ITGAE: variants seen among roughly 807,000 people sequenced by gnomAD.
The protein encoded by ITGAE is integrin subunit alpha E, also known as integrin alpha-E.
ITGAE carries 99 observed loss-of-function variants against 136.5 expected under a neutral mutation model. The observed-to-expected ratio is 0.73, with a 90% confidence interval of 0.62 to 0.86. The LOEUF is 0.86. Among genes scored for constraint, ITGAE ranks in the 40% least tolerant of loss-of-function variants. The probability of loss-of-function intolerance (pLI) is 0.00; values close to 1 mark genes in which losing one functional copy is unlikely to be tolerated. For missense variants in ITGAE, 1,447 were observed against 1,515.3 expected, an observed-to-expected ratio of 0.95 and a Z score of 0.75; for synonymous variants, 613 against 591.8, an observed-to-expected ratio of 1.04 and a Z score of -0.52.
intron 2 of ITGAE, among the ~76,000 whole-genome samples, chr17:3,768,565 G>C (rs921460629): frequency 1.4e-4 from 22 of 152,142 alleles, no homozygotes; most frequent in African/African-American, 5.1e-4. Flanking sequence ...CCACGGCACT[G>C]TTCCCTCCAC....
chr17:3,795,520 G>C (rs568423976), intron 1 of ITGAE, among the ~76,000 whole-genome samples: 1 of 152,192 alleles, frequency 6.6e-6, no homozygotes, highest in African/African-American at 2.4e-5. Context: ...ATGGCCCGTC[G>C]GAAGATTGAA....
chr17:3,784,330 T>A (rs897042762), intron 1 of ITGAE: 1 of 350,264 alleles, frequency 2.9e-6, no homozygotes, highest in Non-Finnish European at 5.4e-6. Flanking sequence ...ATAGAAGATA[T>A]GAACAACATA....
At chr17:3,771,829 G>A (rs896974506) in intron 2 of ITGAE, among the ~76,000 whole-genome samples, 4 of 152,204 alleles carry the variant, frequency 2.6e-5, no homozygotes, top group African/African-American at 9.6e-5. Context: ...GAGCCCCCGC[G>A]CCCAGCCGGG....
At chr17:3,747,225 A>G (rs555744560) in intron 17 of ITGAE, among the ~76,000 whole-genome samples, 3 of 152,362 alleles carry the variant, frequency 2.0e-5, no homozygotes, top group South Asian at 2.1e-4. Context: ...GAAGGGGAGA[A>G]GACACAAGTC....
In ITGAE at chr17:3,756,224, C is replaced by CTTTTTTTTTTTTTTTTTTTTTTTTTT. The variant is rs398041526; in HGVS notation, c.1172-353_1172-328dup. Among the ~76,000 whole-genome samples, 12 of 95,028 alleles carry CTTTTTTTTTTTTTTTTTTTTTTTTTT rather than the reference C, an allele frequency of 1.3e-4. 6 individuals carry two copies. The highest frequency in any genetic ancestry group is 2.4e-4 in the African/African-American group (6 of 25,112). The allele number at this position is 95,028 out of a possible 152,430, so 62.3% of individuals were successfully genotyped here. A position where few individuals can be genotyped will look rare whatever the true frequency, so the allele number is the denominator to read the frequency against. ...AAGGAGGCCTGGGGATATTGTTGGC[C>CTTTTTTTTTTTTTTTTTTTTTTTTTT]TTTTTTTTTTTTTTTTTTTTTTTTT... On this transcript the variant is annotated intron_variant, in intron 10 of 30. Coordinates refer to ENST00000263087, the MANE Select transcript of ITGAE (RefSeq NM_002208.5).
At chr17:3,726,417 G>T in intron 26 of ITGAE, 1 of 878,632 alleles carries the variant, frequency 1.1e-6, no homozygotes, top group Non-Finnish European at 1.8e-6. Flanking sequence ...CCCACAGGAG[G>T]GTGGAACTCC....
intron 15 of ITGAE, among the ~76,000 whole-genome samples, chr17:3,751,310 G>T (rs1255170778): frequency 6.6e-6 from 1 of 151,964 alleles, no homozygotes; most frequent in Non-Finnish European, 1.5e-5. Flanking sequence ...GGAGACAGGA[G>T]CGAGGGACAG....
At chr17:3,766,562 G>A (rs1407875156) in intron 2 of ITGAE, among the ~76,000 whole-genome samples, 1 of 152,098 alleles carries the variant, frequency 6.6e-6, no homozygotes, top group East Asian at 1.9e-4. Flanking sequence ...AGCACTTTGG[G>A]AGGCCGAGGC....
chr17:3,761,948 T>G lies in ITGAE; in HGVS notation c.282A>C (p.Gly94=). The stretch of plus-strand genomic sequence containing the variant: ...CGTGGTGGCTCCGGACAACGGTCAC[T>G]CCCCGGTGCCTCCCCTTGGGGATGG... ...HVPIPKGRHR[G]VTVVRSHHGV... is the part of the protein sequence containing the mutation. Residue 94 remains glycine (G), a synonymous_variant, in exon 4 of 31, where the codon GGA becomes GGC. Coordinates refer to ENST00000263087, the MANE Select transcript of ITGAE (RefSeq NM_002208.5). The G allele has an allele frequency of 6.2e-7, 1 of 1,613,878 alleles. No individual in the cohort carries two copies. The highest frequency in any genetic ancestry group is 1.1e-5 in the South Asian group (1 of 91,068).
At chr17:3,800,043 T>A (rs531918039) in intron 1 of ITGAE, among the ~76,000 whole-genome samples, 1 of 152,162 alleles carries the variant, frequency 6.6e-6, no homozygotes, top group Non-Finnish European at 1.5e-5. Context: ...TGCTTGAACC[T>A]GGGAGGCAGA....
At chr17:3,794,229 G>A (rs1191047933) in intron 1 of ITGAE, among the ~76,000 whole-genome samples, 3 of 151,872 alleles carry the variant, frequency 2.0e-5, no homozygotes, top group Non-Finnish European at 2.9e-5. Flanking sequence ...CGCCCGCCTC[G>A]GCCTCCTAAA....
intron 16 of ITGAE, among the ~76,000 whole-genome samples, chr17:3,749,414 G>A (rs1023307932): frequency 5.9e-5 from 9 of 152,028 alleles, no homozygotes; most frequent in Non-Finnish European, 1.5e-5. Context: ...CACCATGCCC[G>A]GCTAATTTTT....
At chr17:3,760,733 C>T (rs534421787) in intron 6 of ITGAE, among the ~76,000 whole-genome samples, 10 of 152,216 alleles carry the variant, frequency 6.6e-5, no homozygotes, top group African/African-American at 2.2e-4. Flanking sequence ...AGCCACCTCA[C>T]CTGGCCCCAA....
intron 1 of ITGAE, among the ~76,000 whole-genome samples, chr17:3,792,831 A>G (rs1357708860): frequency 1.3e-5 from 2 of 152,210 alleles, no homozygotes; most frequent in Admixed American, 6.5e-5. Context: ...AAAAAACAAA[A>G]CACTTCCAGG....
chr17:3,771,822 C>T (rs927336135), intron 2 of ITGAE, among the ~76,000 whole-genome samples: 3 of 152,192 alleles, frequency 2.0e-5, no homozygotes, highest in African/African-American at 7.2e-5. Context: ...CAGGCGTGAG[C>T]CCCCGCGCCC....
At chr17:3,717,587 A>G (rs1050607875) in intron 29 of ITGAE, 1 of 152,244 alleles carries the variant, frequency 6.6e-6, no homozygotes, top group Non-Finnish European at 1.5e-5. Context: ...CCAGAGAGCC[A>G]ACAAGACTTC....
chr17:3,753,716 C>A, intron 13 of ITGAE, 67 bp downstream of exon 13: 1 of 1,587,936 alleles, frequency 6.3e-7, no homozygotes, highest in Non-Finnish European at 8.6e-7. Context: ...GGGACCCACT[C>A]CTTTCCCTTG....
chr17:3,787,720 C>T (rs1201891038), intron 1 of ITGAE, among the ~76,000 whole-genome samples: 2 of 148,312 alleles, frequency 1.3e-5, no homozygotes, highest in African/African-American at 2.5e-5. Context: ...GGGAGTTTTG[C>T]TCCGTCGCCC....
chr17:3,782,858 T>C (rs1786992716), intron 1 of ITGAE, among the ~76,000 whole-genome samples: 1 of 152,222 alleles, frequency 6.6e-6, no homozygotes, highest in Admixed American at 6.5e-5. Context: ...GAATGACATT[T>C]GACATCGCAC....
Sources: gnomAD v4.1 joint callset for allele counts (sites outside exome capture counted in the v4.1 genomes callset) on GRCh38, gnomAD v4.1.1 for gene constraint, MANE v1.5 for transcripts, NCBI Gene and HGNC (gene_info 2026-07-23, HGNC 2026-07-21) for gene names.